The following PSMC2 variants were observed in gnomAD, a reference collection of about 807,000 sequenced individuals.
PSMC2 encodes proteasome 26S subunit, ATPase 2, also known as 26S proteasome regulatory subunit 7.
Under a neutral mutation model 53.3 loss-of-function variants are expected in PSMC2, and 7 were observed. The observed-to-expected ratio is 0.13, with a 90% CI of 0.07 to 0.25. The LOEUF is 0.25. PSMC2 is among the 10% of genes least tolerant of loss of function. The pLI, the probability that PSMC2 is intolerant of heterozygous loss-of-function variation, is 1.00. For missense variants in PSMC2, 241 were observed against 544.0 expected (o/e 0.44, Z 5.54); for synonymous variants, 169 against 183.9 (o/e 0.92, Z 0.66).
At chr7:103,352,083 A>C (rs1309178896) in intron 1 of PSMC2, among the ~76,000 whole-genome samples, 1 of 151,950 alleles carries the variant, frequency 6.6e-6, no homozygotes, top group East Asian at 1.9e-4. Context: ...TTTATGGTCT[A>C]CTTCACTAGA....
intron 8 of PSMC2, among the ~76,000 whole-genome samples, 193 bp from the exon 9 acceptor site, chr7:103,365,883 G>C (rs896518645): frequency 6.6e-6 from 1 of 151,996 alleles, no homozygotes; most frequent in African/African-American, 2.4e-5. Context: ...AGCCGAGCTC[G>C]CACCACTGCA....
chr7:103,355,049 A>T lies in PSMC2; in HGVS notation c.190+100A>T, dbSNP rs189602415. On this transcript the variant is annotated intron_variant, in intron 3 of 11. Transcript: ENST00000292644. ...TTTACTCCTTCATGATTACAGATTT[A>T]AAAAAAATCATTATTCTTCCTTTCT... 1.2e-4 allele frequency: 90 copies of T among 774,340 alleles called. No homozygotes were observed. The East Asian group carries it at 1.4e-3, about 12-fold the overall frequency. 48.0% of individuals were successfully genotyped at this position (774,340 alleles called of 1,614,324 possible). A position where few individuals can be genotyped will look rare whatever the true frequency, so the allele number is the denominator to read the frequency against.
chr7:103,355,317 A>C (rs1819969239), intron 3 of PSMC2, among the ~76,000 whole-genome samples: 1 of 152,040 alleles, frequency 6.6e-6, no homozygotes, highest in Non-Finnish European at 1.5e-5. Context: ...TTTTGGGGGG[A>C]ACTTGAATGA....
chr7:103,351,904 T>A (rs1435468189), intron 1 of PSMC2, among the ~76,000 whole-genome samples: 2 of 152,090 alleles, frequency 1.3e-5, no homozygotes, highest in African/African-American at 4.8e-5. Flanking sequence ...GGTTTTTTTT[T>A]AATCCAACTC....
chr7:103,362,648 A>T (rs1008844543), intron 5 of PSMC2, 38 bp from the exon 6 acceptor site: 7 of 1,552,068 alleles, frequency 4.5e-6, no homozygotes, highest in Non-Finnish European at 6.2e-6. Context: ...TTGAAAGCTT[A>T]AAGAATGTAT....
At chr7:103,348,063 G>C (rs1819643861) in intron 1 of PSMC2, among the ~76,000 whole-genome samples, 1 of 152,150 alleles carries the variant, frequency 6.6e-6, no homozygotes, top group Non-Finnish European at 1.5e-5. Context: ...GCCTTGAAAA[G>C]TTCTGCCTGG....
rs769618353 is a variant in PSMC2, at chr7:103,352,215, TAAAAAAAAAAAA to T, written c.71-1686_71-1675del. 6.4e-3 allele frequency among the ~76,000 whole-genome samples: 262 copies of T among 40,630 alleles called. 1 individual carries two copies. Among genetic ancestry groups the T allele is most frequent in the African/African-American group, 0.021 (237 of 11,390 alleles). 26.7% of individuals were successfully genotyped at this position (40,630 alleles called of 152,430 possible). A position where few individuals can be genotyped will look rare whatever the true frequency, so the allele number is the denominator to read the frequency against. On this transcript the variant is annotated intron_variant, in intron 1 of 11. Transcript: ENST00000292644. ...TTTCCTACCTCTACTCATACTTAGTTAAAAAAAAAAAAAAAAAAAAAAAAAAAAAAAGACCTG... is the reference window on the plus strand; with the variant it reads ...TTTCCTACCTCTACTCATACTTAGTTAAAAAAAAAAAAAAAAAAAGACCTG...
chr7:103,355,897 C>A, intron 4 of PSMC2, 104 bp downstream of exon 4: 1 of 771,990 alleles, frequency 1.3e-6, no homozygotes, highest in Non-Finnish European at 1.9e-6. Flanking sequence ...ATTTTGATTC[C>A]AAATTCCAAG....
chr7:103,366,770 G>A (rs1191004670), intron 9 of PSMC2, among the ~76,000 whole-genome samples: 1 of 152,102 alleles, frequency 6.6e-6, no homozygotes, highest in Non-Finnish European at 1.5e-5. Flanking sequence ...TGGCTTCACA[G>A]ATTTGATGAA....
intron 4 of PSMC2, among the ~76,000 whole-genome samples, chr7:103,358,948 T>A (rs1194611448): frequency 2.0e-5 from 3 of 151,740 alleles, no homozygotes; most frequent in African/African-American, 7.2e-5. Context: ...CTTAAAACTC[T>A]TGATAAAATT....
chr7:103,348,587 A>T, intron 1 of PSMC2: 1 of 946,200 alleles, frequency 1.1e-6, no homozygotes, highest in Non-Finnish European at 1.7e-6. Context: ...ACCTCGTTGC[A>T]CTCTGAGACC....
intron 7 of PSMC2, 37 bp from the exon 8 acceptor site, chr7:103,364,106 A>G: frequency 1.3e-5 from 21 of 1,591,928 alleles, no homozygotes; most frequent in Non-Finnish European, 1.8e-5. Context: ...TTTGTTATAC[A>G]GAAGTGGTAA....
At chr7:103,347,854 C>T in intron 1 of PSMC2, 73 bp downstream of exon 1, 3 of 1,533,402 alleles carry the variant, frequency 2.0e-6, no homozygotes, top group Non-Finnish European at 1.8e-6. Context: ...TGGAGAGGAG[C>T]TGGATTCCCG....
intron 7 of PSMC2, among the ~76,000 whole-genome samples, chr7:103,363,690 C>G (rs542171125): frequency 6.6e-6 from 1 of 152,090 alleles, no homozygotes; most frequent in Admixed American, 6.6e-5. Flanking sequence ...ACAGTGTAAC[C>G]TTTAGCAATA....
intron 4 of PSMC2, 111 bp from the exon 5 acceptor site, chr7:103,361,846 G>A (rs1260985374): frequency 1.1e-5 from 11 of 1,032,924 alleles, no homozygotes; most frequent in African/African-American, 1.7e-5. Flanking sequence ...CCCAGTTTCT[G>A]TAGTTCTAGT....
intron 1 of PSMC2, among the ~76,000 whole-genome samples, chr7:103,351,673 A>C (rs1383219777): frequency 6.6e-6 from 1 of 152,210 alleles, no homozygotes; most frequent in Non-Finnish European, 1.5e-5. Context: ...CCTTATAAGC[A>C]GGCCTTTCAA....
rs1210948295 is a variant in PSMC2, at chr7:103,368,824, T to G, written c.*770T>G. 1 of 152,210 alleles carries G rather than the reference T, an allele frequency of 6.6e-6. No individual in the cohort carries two copies. Among genetic ancestry groups the G allele is most frequent in the Non-Finnish European group, 1.5e-5 (1 of 68,040 alleles). The allele number at this position is 152,210 out of a possible 1,614,324, so 9.4% of individuals were successfully genotyped here. On this transcript the variant is annotated 3_prime_UTR_variant, in exon 12 of 12. Transcript: ENST00000292644. ...AATTGGCTTCATACAGAAAAGTGAT[T>G]ACTTTCATTTTACAAATTACTTTAA... is the stretch of plus-strand genomic sequence containing the variant.
intron 8 of PSMC2, among the ~76,000 whole-genome samples, chr7:103,365,529 C>T (rs1373029411): frequency 3.3e-5 from 5 of 151,836 alleles, no homozygotes; most frequent in Non-Finnish European, 7.4e-5. Context: ...CTCGGGAGGC[C>T]GAGGCATGAG....
chr7:103,349,482 C>T (rs1305351841), intron 1 of PSMC2, among the ~76,000 whole-genome samples: 1 of 151,314 alleles, frequency 6.6e-6, no homozygotes, highest in African/African-American at 2.4e-5. Context: ...GAGTCTTGCT[C>T]TTGTCACCCA....
Sources: allele counts gnomAD v4.1 joint callset (sites outside exome capture counted in the v4.1 genomes callset), GRCh38; gene constraint gnomAD v4.1.1; transcripts MANE v1.5; gene names NCBI Gene and HGNC (gene_info 2026-07-23, HGNC 2026-07-21).